Variants in ARHGAP45 observed in about 807,000 individuals in gnomAD.
The protein encoded by ARHGAP45 is Rho GTPase activating protein 45.
A neutral mutation model predicts 116.1 loss-of-function variants in ARHGAP45; 56 were observed. The observed-to-expected ratio is 0.48, with a 90% CI of 0.39 to 0.60. The LOEUF is 0.60. Ranked by LOEUF, ARHGAP45 falls within the 20% of genes least tolerant of loss-of-function variation. The pLI, the probability that ARHGAP45 is intolerant of heterozygous loss-of-function variation, is 0.00. For synonymous variants in ARHGAP45, 866 were observed against 701.7 expected, an observed-to-expected ratio of 1.23 and a Z score of -3.70; for missense variants, 1,622 against 1,601.0, an observed-to-expected ratio of 1.01 and a Z score of -0.22.
At position 1,071,778 on chromosome 19, in the gene ARHGAP45, C is replaced by G. The variant is rs1318175790; in HGVS notation, c.422-1371C>G. 2 of 152,210 alleles carry G rather than the reference C, an allele frequency of 1.3e-5. No individual in the cohort carries two copies. The highest frequency in any genetic ancestry group is 4.8e-5 in the African/African-American group (2 of 41,460). 9.4% of individuals were successfully genotyped at this position (152,210 alleles called of 1,614,324 possible). ...TGGCGGGTGACTCGGTCGGTCTCTT[C>G]CCGGAGGTGACATTCACCTGGGGTC... On this transcript the variant is annotated intron_variant, in intron 2 of 22. Coordinates refer to ENST00000313093, the MANE Select transcript of ARHGAP45 (RefSeq NM_012292.5). This position sits in a 1 kb window ranked among gnomAD's most constrained non-coding sequence, Gnocchi z 4.6.
rs923781597 is a variant in ARHGAP45 at position 1,085,809 on chromosome 19, A to G, written c.3214A>G (p.Ser1072Gly). 2.5e-6 allele frequency: 4 copies of G among 1,612,804 alleles called. No individual in the cohort carries two copies. Among genetic ancestry groups the G allele is most frequent in the Non-Finnish European group, 3.4e-6 (4 of 1,179,896 alleles). Reference sequence around the variant, plus strand: ...CCTAGAGGTGGCTTCTGGCAGCCACAGCGGCAGTGAGGAGCAGCTGGAGGC... The same window carrying G: ...CCTAGAGGTGGCTTCTGGCAGCCACGGCGGCAGTGAGGAGCAGCTGGAGGC... Reference protein sequence around the residue: ...ASLEVASGSHSGSEEQLEATA... With the variant: ...ASLEVASGSHGGSEEQLEATA... Residue 1072 changes from serine (S) to glycine (G), a missense_variant, in exon 23 of 23, where the codon AGC becomes GGC. Ser to Gly is a moderately conservative substitution (Grantham distance 56). Around this residue, in one of 3 missense-constraint regions of ARHGAP45, gnomAD observed 1,334 missense variants for 1,263.8 expected, o/e 1.06. Coordinates refer to ENST00000313093, the MANE Select transcript of ARHGAP45 (RefSeq NM_012292.5).
rs2043381869 is a variant in ARHGAP45 at position 1,079,979 on chromosome 19, G to C, written c.1564G>C (p.Val522Leu). The C allele has an allele frequency of 6.2e-7, 1 of 1,612,744 alleles. No homozygotes were observed. Among genetic ancestry groups the C allele is most frequent in the African/African-American group, 1.3e-5 (1 of 75,038 alleles). The change falls in exon 13 of 23, where the codon GTG (valine) becomes CTG (leucine). Residue 522 changes from valine to leucine, a missense_variant. Transcript: ENST00000313093. ...GCATATGCAGACGGCGCCGCTGCCC[G>C]TGCACTTCCAGATGCTGTGTGAGAG... Reference protein sequence around the residue: ...MMHMQTAPLPVHFQMLCESSK... With the variant: ...MMHMQTAPLPLHFQMLCESSK...
rs2145020042 is a variant in ARHGAP45 at position 1,071,751 on chromosome 19, TCTG to T, written c.422-1397_422-1395del. 6.6e-6 allele frequency: 1 copy of T among 152,304 alleles called. No individual in the cohort carries two copies. The highest frequency in any genetic ancestry group is 2.4e-5 in the African/African-American group (1 of 41,554). The allele number at this position is 152,304 out of a possible 1,614,324, so 9.4% of individuals were successfully genotyped here. ...GCCCGGCGGCGGCCAGCGGGGTATC[TCTG>T]GCGGGTGACTCGGTCGGTCTCTTCC... On this transcript the variant is annotated intron_variant, in intron 2 of 22. Transcript: ENST00000313093. The surrounding 1 kb of genome is among the most constrained non-coding windows in gnomAD (Gnocchi z 4.6).
At chr19:1,082,490 C>T (rs1480850708) in intron 19 of ARHGAP45, 2 of 375,856 alleles carry the variant, frequency 5.3e-6, no homozygotes, top group African/African-American at 2.2e-5. Context: ...GTGGTCATGT[C>T]TGGGGAAGGG....
In ARHGAP45 at chr19:1,071,557, G is replaced by T. The variant is rs954480512; in HGVS notation, c.422-1592G>T. ...AGGGGGTGTGCGGGGACAGCCGGGG[G>T]TCCGTGCGCCGGCCGCGCGCGGAGT... is the stretch of plus-strand genomic sequence containing the variant. On this transcript the variant is annotated intron_variant, in intron 2 of 22. Coordinates refer to ENST00000313093, the MANE Select transcript of ARHGAP45 (RefSeq NM_012292.5). The surrounding 1 kb of genome is among the most constrained non-coding windows in gnomAD (Gnocchi z 4.6). 121 of 242,794 alleles carry T rather than the reference G, an allele frequency of 5.0e-4. 1 individual carries two copies. Among genetic ancestry groups the T allele is most frequent in the African/African-American group, 2.7e-3 (116 of 43,052 alleles). The allele number at this position is 242,794 out of a possible 1,614,324, so 15.0% of individuals were successfully genotyped here.
upstream of ARHGAP45, chr19:1,066,372 C>T (rs921623554): frequency 1.2e-5 from 7 of 576,730 alleles, no homozygotes; most frequent in East Asian, 5.9e-5. Flanking sequence ...TTATCAGCAA[C>T]GGGTGCCTGC....
intron 22 of ARHGAP45, 84 bp from the exon 23 acceptor site, chr19:1,085,574 TCC>T (rs2043599894): frequency 1.7e-5 from 15 of 865,434 alleles, no homozygotes; most frequent in Admixed American, 6.9e-5. Context: ...CTCCTGTCTC[TCC>T]CCATCTCTCC....
rs535064737 is a variant in ARHGAP45 at position 1,085,811 on chromosome 19, C to T, written c.3216C>T (p.Ser1072=). ...ASLEVASGSH[S]GSEEQLEATA... is the part of the protein sequence containing the mutation. ...TAGAGGTGGCTTCTGGCAGCCACAG[C>T]GGCAGTGAGGAGCAGCTGGAGGCCA... is the stretch of plus-strand genomic sequence containing the variant. Residue 1072 remains serine, a synonymous_variant, in exon 23 of 23, where the codon AGC becomes AGT. Transcript: ENST00000313093. 2.6e-5 allele frequency: 42 copies of T among 1,612,748 alleles called. No individual in the cohort carries two copies. Among genetic ancestry groups the T allele is most frequent in the East Asian group, 4.5e-5 (2 of 44,882 alleles).
chr19:1,073,189 G>C lies in ARHGAP45; in HGVS notation c.462G>C (p.Leu154=). ...EARRPRAHEC[L]GEALRVMHQI... Reference sequence around the variant, plus strand: ...GCCGCCCGCGGGCCCACGAGTGCCTGGGTGAGGCTCTGCGTGTCATGCATC... The same window carrying C: ...GCCGCCCGCGGGCCCACGAGTGCCTCGGTGAGGCTCTGCGTGTCATGCATC... Residue 154 remains leucine, a synonymous_variant, in exon 3 of 23, where the codon CTG becomes CTC. Coordinates refer to ENST00000313093, the MANE Select transcript of ARHGAP45 (RefSeq NM_012292.5). The C allele has an allele frequency of 6.2e-7, 1 of 1,612,138 alleles. No homozygotes were observed. The highest frequency in any genetic ancestry group is 2.2e-5 in the East Asian group (1 of 44,868).
Position 1,081,923 on chromosome 19 carries a change from C to T in ARHGAP45, c.2479C>T (p.His827Tyr). ...ELVELSQASP[H>Y]DISNVLKLYL... ...GGTCGAGCTGTCGCAGGCCTCGCCC[C>T]ACGACATCAGCAACGTCCTCAAGCT... Residue 827 changes from histidine (H) to tyrosine (Y), a missense_variant, in exon 19 of 23, where the codon CAC (histidine) becomes TAC (tyrosine). By Grantham distance (83) the His-to-Tyr change is moderately conservative. Around this residue, in one of 3 missense-constraint regions of ARHGAP45, gnomAD observed 1,334 missense variants for 1,263.8 expected, o/e 1.06. Coordinates refer to ENST00000313093, the MANE Select transcript of ARHGAP45 (RefSeq NM_012292.5). 1 of 1,612,798 alleles carries T rather than the reference C, an allele frequency of 6.2e-7. No homozygotes were observed. Among genetic ancestry groups the T allele is most frequent in the Non-Finnish European group, 8.5e-7 (1 of 1,179,860 alleles).
chr19:1,070,639 G>A (rs1042122638), intron 2 of ARHGAP45, among the ~76,000 whole-genome samples: 1 of 151,548 alleles, frequency 6.6e-6, no homozygotes, highest in Non-Finnish European at 1.5e-5. Context: ...GAGCCATCGC[G>A]CCCGGCCAGT....
chr19:1,068,849 T>A lies in ARHGAP45; in HGVS notation c.421+105T>A. The A allele has an allele frequency of 9.1e-7, 1 of 1,099,450 alleles. No homozygotes were observed. Among genetic ancestry groups the A allele is most frequent in the South Asian group, 1.4e-5 (1 of 69,896 alleles). 68.1% of individuals were successfully genotyped at this position (1,099,450 alleles called of 1,614,324 possible). A position where few individuals can be genotyped will look rare whatever the true frequency, so the allele number is the denominator to read the frequency against. ...GGCTCAGAAGGGAGGGAGGCTCAGA[T>A]GGCAGGGAGGGCTGTGTGGAAGAGG... On this transcript the variant is annotated intron_variant, in intron 2 of 22. Coordinates refer to ENST00000313093, the MANE Select transcript of ARHGAP45 (RefSeq NM_012292.5). This position sits in a 1 kb window ranked among gnomAD's most constrained non-coding sequence, Gnocchi z 7.5.
chr19:1,072,143 C>A (rs1404065597), intron 2 of ARHGAP45, among the ~76,000 whole-genome samples: 1 of 152,118 alleles, frequency 6.6e-6, no homozygotes, highest in Non-Finnish European at 1.5e-5. Flanking sequence ...CTCACTGCAA[C>A]CTCCGCCTCC....
rs1227987076 is a variant in ARHGAP45 at position 1,074,395 on chromosome 19, C to T, written c.981C>T (p.Ser327=). The change falls in exon 8 of 23, where the codon AGC becomes AGT. Residue 327 remains serine (S), a synonymous_variant. Transcript: ENST00000313093. ...AGATCGCTCACAACTGCAGACAGAGCGTCATGCAGGAGGTGGGGGCCCCGC... is the reference window on the plus strand; with the variant it reads ...AGATCGCTCACAACTGCAGACAGAGTGTCATGCAGGAGGTGGGGGCCCCGC... The part of the protein sequence containing the change: ...LQKIAHNCRQ[S]VMQEPHMPLL... The T allele has an allele frequency of 2.5e-6, 4 of 1,575,018 alleles. No homozygotes were observed. Among genetic ancestry groups the T allele is most frequent in the South Asian group, 2.3e-5 (2 of 86,774 alleles).
intron 11 of ARHGAP45, among the ~76,000 whole-genome samples, chr19:1,078,456 G>A (rs1261527578): frequency 7.3e-6 from 1 of 137,486 alleles, no homozygotes; most frequent in Admixed American, 7.5e-5. Flanking sequence ...TTGTTTTTTG[G>A]AGACAGAGTC....
At position 1,084,277 on chromosome 19, in the gene ARHGAP45, G is replaced by A. The variant is rs200996578; in HGVS notation, c.2995G>A (p.Val999Met). ...CCAGCGAGCTGAGGTAGTCGTCCAGGTGCCGTACCTGGAGGCGGGCGAGGC... is the reference window on the plus strand; with the variant it reads ...CCAGCGAGCTGAGGTAGTCGTCCAGATGCCGTACCTGGAGGCGGGCGAGGC... ...SNQRAEVVVQVPYLEAGEAVV... is the reference protein window; with the variant it reads ...SNQRAEVVVQMPYLEAGEAVV... The change falls in exon 22 of 23, where the codon GTG becomes ATG. Residue 999 changes from valine (V) to methionine (M), a missense_variant. Val to Met is a conservative substitution (Grantham distance 21). This residue lies in a region of ARHGAP45 where 1,334 missense variants were observed against 1,263.8 expected (regional missense o/e 1.06). Coordinates refer to ENST00000313093, the MANE Select transcript of ARHGAP45 (RefSeq NM_012292.5). 2 of 1,613,286 alleles carry A rather than the reference G, an allele frequency of 1.2e-6. No homozygotes were observed. Among genetic ancestry groups the A allele is most frequent in the Non-Finnish European group, 1.7e-6 (2 of 1,179,768 alleles).
At chr19:1,078,434 C>T (rs1333100786) in intron 11 of ARHGAP45, among the ~76,000 whole-genome samples, 7 of 148,080 alleles carry the variant, frequency 4.7e-5, no homozygotes, top group South Asian at 2.2e-4. Flanking sequence ...TGAGCCACTG[C>T]GCCCGGCCAA....
chr19:1,074,002 G>A lies in ARHGAP45; in HGVS notation c.778G>A (p.Asp260Asn). The A allele has an allele frequency of 6.3e-7, 1 of 1,597,206 alleles. No individual in the cohort carries two copies. Among genetic ancestry groups the A allele is most frequent in the Non-Finnish European group, 8.5e-7 (1 of 1,172,676 alleles). The part of the protein sequence containing the change: ...GSEGTPPSLE[D>N]CDAGCLPAEE... ...TGAGGGCACGCCTCCCAGCCTGGAA[G>A]ACTGTGACGCCGGTAAGCCCCCACC... is the stretch of plus-strand genomic sequence containing the variant. The change falls in exon 6 of 23, where the codon GAC becomes AAC. Residue 260 changes from aspartate to asparagine, a missense_variant. By Grantham distance (23) the Asp-to-Asn change is conservative. This residue lies in a region of ARHGAP45 where 1,334 missense variants were observed against 1,263.8 expected (regional missense o/e 1.06). Transcript: ENST00000313093.
In ARHGAP45 at chr19:1,068,646, C is replaced by G; in HGVS notation, c.323C>G (p.Ala108Gly). 1 of 1,612,520 alleles carries G rather than the reference C, an allele frequency of 6.2e-7. No individual in the cohort carries two copies. Among genetic ancestry groups the G allele is most frequent in the Non-Finnish European group, 8.5e-7 (1 of 1,179,928 alleles). Residue 108 changes from alanine (A) to glycine (G), a missense_variant, in exon 2 of 23, where the codon GCC becomes GGC. Around this residue, in one of 3 missense-constraint regions of ARHGAP45, gnomAD observed 279 missense variants for 311.9 expected, o/e 0.89. Transcript: ENST00000313093. The surrounding 1 kb of genome is among the most constrained non-coding windows in gnomAD (Gnocchi z 7.5). The stretch of plus-strand genomic sequence containing the variant: ...CCGGGCGAGCTGCCCACCGAGGGTG[C>G]CGGCCCGGACGTCGTCGAGGACATC... ...ASPGELPTEG[A>G]GPDVVEDISH...
Sources: allele counts gnomAD v4.1 joint callset (sites outside exome capture counted in the v4.1 genomes callset), GRCh38; gene constraint gnomAD v4.1.1; regional missense constraint gnomAD v4.1.1; non-coding constraint Gnocchi (gnomAD v3.1); transcripts MANE v1.5; gene names NCBI Gene and HGNC (gene_info 2026-07-23, HGNC 2026-07-21).